The following TRIM2 variants were observed in gnomAD, a reference collection of about 807,000 sequenced individuals.
TRIM2 encodes the protein tripartite motif containing 2.
A neutral mutation model predicts 75.2 loss-of-function variants in TRIM2; 20 were observed. That is an observed-to-expected ratio of 0.27 (90% confidence interval 0.19 to 0.39). The LOEUF (loss-of-function observed/expected upper bound fraction) is 0.39, where lower values mean the gene tolerates loss of function less well. Among genes scored for constraint, TRIM2 ranks in the 10% least tolerant of loss-of-function variants. The pLI is 1.00. For missense variants in TRIM2, 660 were observed against 990.8 expected, an observed-to-expected ratio of 0.67 and a Z score of 4.48; for synonymous variants, 373 against 388.3, an observed-to-expected ratio of 0.96 and a Z score of 0.46.
chr4:153,295,463 G>T lies in TRIM2; in HGVS notation c.937G>T (p.Asp313Tyr). 1.2e-6 allele frequency: 2 copies of T among 1,614,176 alleles called. No individual in the cohort carries two copies. Among genetic ancestry groups the T allele is most frequent in the South Asian group, 2.2e-5 (2 of 91,062 alleles). Residue 313 changes from aspartate to tyrosine, a missense_variant, in exon 6 of 12, where the codon GAC becomes TAC. Coordinates refer to ENST00000338700, the MANE Select transcript of TRIM2 (RefSeq NM_015271.5). The surrounding 1 kb of genome is among the most constrained non-coding windows in gnomAD (Gnocchi z 7.2). ...GAGCGAGAAGCTGAACGAGCTGGCC[G>T]ACCAGGACTTCCCCTTGCACCCGCG... is the stretch of plus-strand genomic sequence containing the variant. ...QMSEKLNELA[D>Y]QDFPLHPREN...
At chr4:153,287,811 A>G (rs949440698) in intron 3 of TRIM2, among the ~76,000 whole-genome samples, 2 of 152,234 alleles carry the variant, frequency 1.3e-5, no homozygotes, top group South Asian at 2.1e-4. Flanking sequence ...TTAGAAAACT[A>G]AAATACATTA....
At chr4:153,204,847 T>C (rs985419962) in intron 1 of TRIM2, among the ~76,000 whole-genome samples, 2 of 152,160 alleles carry the variant, frequency 1.3e-5, no homozygotes, top group Non-Finnish European at 2.9e-5. Context: ...CCAGTGATGT[T>C]GTGAGACTCA....
At chr4:153,256,739 T>A (rs931625978) in intron 1 of TRIM2, among the ~76,000 whole-genome samples, 1 of 151,966 alleles carries the variant, frequency 6.6e-6, no homozygotes, top group African/African-American at 2.4e-5. Context: ...AAGGTCTGGT[T>A]ATCCCCGAAT....
chr4:153,244,386 T>TCTTCTTCTTCTTCTC (rs1748227153), intron 1 of TRIM2, among the ~76,000 whole-genome samples: 1 of 74,350 alleles, frequency 1.3e-5, no homozygotes, highest in Non-Finnish European at 2.3e-5. Context: ...TTCTTCTTCT[T>TCTTCTTCTTCTTCTC]CTTCTTCTTC....
chr4:153,257,985 T>C (rs191898143), intron 1 of TRIM2, among the ~76,000 whole-genome samples: 13 of 152,366 alleles, frequency 8.5e-5, no homozygotes, highest in Admixed American at 7.8e-4. Context: ...TAATGTGATC[T>C]GACTAGATTT....
rs965447692 is a variant in TRIM2, at chr4:153,338,895, A to T, written c.*3929A>T. 2.5e-5 allele frequency: 25 copies of T among 985,182 alleles called. No individual in the cohort carries two copies. The highest frequency in any genetic ancestry group is 1.0e-3 in the Middle Eastern group (2 of 1,932). The allele number at this position is 985,182 out of a possible 1,614,324, so 61.0% of individuals were successfully genotyped here. On this transcript the variant is annotated 3_prime_UTR_variant, in exon 12 of 12. Transcript: ENST00000338700. ...CAATGGAGTGTATTCTTGTAATAGAATTCTTTATATCGTTCTCAATTCTAT... is the reference window on the plus strand; with the variant it reads ...CAATGGAGTGTATTCTTGTAATAGATTTCTTTATATCGTTCTCAATTCTAT...
chr4:153,166,518 C>CTTCCCTCCTTCCTTCCTTCT (rs1560779797), intron 1 of TRIM2, among the ~76,000 whole-genome samples: 9 of 138,850 alleles, frequency 6.5e-5, no homozygotes, highest in Non-Finnish European at 1.4e-4. Flanking sequence ...TTTTCTTTTC[C>CTTCCCTCCTTCCTTCCTTCT]TTCCTTCCTT....
intron 1 of TRIM2, among the ~76,000 whole-genome samples, chr4:153,243,854 G>A (rs1747374386): frequency 8.4e-6 from 1 of 118,492 alleles, no homozygotes; most frequent in Non-Finnish European, 1.6e-5. Flanking sequence ...TCATTCTATT[G>A]CCCAGACTGG....
chr4:153,211,488 C>CTTT (rs112668688), intron 1 of TRIM2, among the ~76,000 whole-genome samples: 5 of 135,036 alleles, frequency 3.7e-5, no homozygotes, highest in African/African-American at 8.6e-5. Context: ...TTTTCTTTTT[C>CTTT]TTTTTTTTTT....
chr4:153,226,459 C>T (rs1742151865), intron 1 of TRIM2, among the ~76,000 whole-genome samples: 1 of 152,194 alleles, frequency 6.6e-6, no homozygotes, highest in African/African-American at 2.4e-5. Flanking sequence ...GACATGCTGA[C>T]TTCTGGAACA....
At position 153,293,004 on chromosome 4, in the gene TRIM2, C is replaced by T. The variant is rs760192178; in HGVS notation, c.476C>T (p.Ser159Phe). ...DGNVMEFYCQ[S>F]CETAMCRECT... ...CAGGTGATGGAATTTTACTGCCAGT[C>T]CTGTGAGACTGCCATGTGTCGGGAG... The change falls in exon 4 of 12, where the codon TCC (serine) becomes TTC (phenylalanine). Residue 159 changes from serine (S) to phenylalanine (F), a missense_variant. By Grantham distance (155) the Ser-to-Phe change is radical. This residue lies in a region of TRIM2 where 620 missense variants were observed against 891.0 expected (regional missense o/e 0.70). Transcript: ENST00000338700. The T allele has an allele frequency of 6.2e-7, 1 of 1,611,990 alleles. No homozygotes were observed. The highest frequency in any genetic ancestry group is 1.1e-5 in the South Asian group (1 of 90,716).
chr4:153,276,637 C>T (rs1015718518), intron 3 of TRIM2, among the ~76,000 whole-genome samples: 6 of 152,256 alleles, frequency 3.9e-5, no homozygotes, highest in African/African-American at 1.4e-4. Context: ...CTAGTGAGTA[C>T]AATAACTGTT....
intron 1 of TRIM2, among the ~76,000 whole-genome samples, chr4:153,157,447 G>GA (rs1362622139): frequency 6.6e-6 from 1 of 152,136 alleles, no homozygotes; most frequent in African/African-American, 2.4e-5. Context: ...ATGGCCCAGG[G>GA]AAAAGGAAAG....
chr4:153,320,313 TAGA>T (rs1768651893), intron 8 of TRIM2, among the ~76,000 whole-genome samples: 1 of 152,212 alleles, frequency 6.6e-6, no homozygotes, highest in East Asian at 1.9e-4. Flanking sequence ...TTTATAAACT[TAGA>T]AGAATAAAAG....
chr4:153,182,496 T>A (rs1732170966), intron 1 of TRIM2, among the ~76,000 whole-genome samples: 1 of 152,154 alleles, frequency 6.6e-6, no homozygotes, highest in Admixed American at 6.5e-5. Context: ...GTTTCCTCAT[T>A]TGTAAATAGT....
chr4:153,272,338 C>T (rs1560925926), intron 2 of TRIM2, among the ~76,000 whole-genome samples: 1 of 151,962 alleles, frequency 6.6e-6, no homozygotes. Context: ...TTAGTAGAGA[C>T]GAGGTTTCAC....
intron 1 of TRIM2, among the ~76,000 whole-genome samples, chr4:153,153,673 C>T (rs1728945532): frequency 6.6e-6 from 1 of 152,206 alleles, no homozygotes; most frequent in Admixed American, 6.5e-5. Flanking sequence ...GGCCAGTGTT[C>T]CAGCCCGTGG....
rs368085745 is a variant in TRIM2 at position 153,284,203 on chromosome 4, T to G, written c.453+8073T>G. ...CTGGTTTTTTTTGTTTTGTTTTTTGTTTTTTGGTTTTTTTTTAGACAGAGT... is the reference window on the plus strand; with the variant it reads ...CTGGTTTTTTTTGTTTTGTTTTTTGGTTTTTGGTTTTTTTTTAGACAGAGT... On this transcript the variant is annotated intron_variant, in intron 3 of 11. Transcript: ENST00000338700. Among the ~76,000 whole-genome samples, 138 of 148,944 alleles carry G rather than the reference T, an allele frequency of 9.3e-4. 1 individual carries two copies. The highest frequency in any genetic ancestry group is 2.6e-3 in the African/African-American group (103 of 39,750).
At chr4:153,288,173 G>T (rs10031368) in intron 3 of TRIM2, among the ~76,000 whole-genome samples, 32,785 of 151,914 alleles carry the variant, frequency 0.22, 4,025 homozygotes, top group African/African-American at 0.34. Flanking sequence ...ATGGTGGCTC[G>T]CACCTGTAAT....
Sources: gnomAD v4.1 joint callset for allele counts (sites outside exome capture counted in the v4.1 genomes callset) on GRCh38, gnomAD v4.1.1 for gene constraint, gnomAD v4.1.1 regional missense constraint, Gnocchi (gnomAD v3.1) non-coding constraint, MANE v1.5 for transcripts, NCBI Gene and HGNC (gene_info 2026-07-23, HGNC 2026-07-21) for gene names.